TXNDC16: variants seen among roughly 807,000 people sequenced by gnomAD.
The protein encoded by TXNDC16 is thioredoxin domain-containing protein 16.
A neutral mutation model predicts 85.6 loss-of-function variants in TXNDC16; 74 were observed. The observed-to-expected ratio is 0.86, with a 90% CI of 0.72 to 1.05. TXNDC16 has a LOEUF of 1.05. Ranked by LOEUF, TXNDC16 falls within the 50% of genes least tolerant of loss-of-function variation. The pLI is 0.00. For missense variants in TXNDC16, 959 were observed against 947.0 expected, an observed-to-expected ratio of 1.01 and a Z score of -0.17; for synonymous variants, 335 against 326.5, an observed-to-expected ratio of 1.03 and a Z score of -0.28.
intron 20 of TXNDC16, among the ~76,000 whole-genome samples, chr14:52,438,730 G>A (rs2035092632): frequency 6.6e-6 from 1 of 151,994 alleles, no homozygotes. Context: ...TAACAATAAT[G>A]CACTATTTGT....
Position 52,536,804 on chromosome 14 carries a change from T to C in TXNDC16, c.318-11A>G, listed in dbSNP as rs1160086593. ...AGCAATATGTTGCCCCTATAAAAAG[T>C]TTAAAAACATATTAATATTGAAAAA... On this transcript the variant is annotated splice_polypyrimidine_tract_variant and intron_variant, in intron 5 of 20. Transcript: ENST00000281741. The C allele has an allele frequency of 6.3e-6, 10 of 1,590,278 alleles. No homozygotes were observed. Among genetic ancestry groups the C allele is most frequent in the South Asian group, 1.1e-5 (1 of 87,688 alleles).
At chr14:52,479,376 G>C (rs2036093969) in intron 14 of TXNDC16, among the ~76,000 whole-genome samples, 1 of 152,000 alleles carries the variant, frequency 6.6e-6, no homozygotes, top group Non-Finnish European at 1.5e-5. Context: ...TCAAACTGTT[G>C]CTGTTTGCTG....
chr14:52,534,393 T>C (rs914583601), intron 6 of TXNDC16, among the ~76,000 whole-genome samples: 4 of 152,198 alleles, frequency 2.6e-5, no homozygotes, highest in Non-Finnish European at 5.9e-5. Context: ...TCTTAAAACA[T>C]TATGAGATGT....
rs1048693087 is a variant in TXNDC16, at chr14:52,522,346, G to A, written c.393-3053C>T. On this transcript the variant is annotated intron_variant, in intron 6 of 20. Transcript: ENST00000281741. ...AATAGTGGCAATTTATCAATTTGGG[G>A]GCTGCCCACTCCCTTTTGCTTTGTC... Among the ~76,000 whole-genome samples the A allele has an allele frequency of 5.9e-5, 9 of 152,042 alleles. No homozygotes were observed. The East Asian group carries it at 1.7e-3, about 29-fold the overall frequency.
At chr14:52,522,159 A>G (rs1225918783) in intron 6 of TXNDC16, among the ~76,000 whole-genome samples, 2 of 152,234 alleles carry the variant, frequency 1.3e-5, no homozygotes, top group African/African-American at 4.8e-5. Context: ...TGGAAATTAC[A>G]TTCACCTAGT....
At chr14:52,459,200 T>C (rs1216491560) in intron 16 of TXNDC16, among the ~76,000 whole-genome samples, 2 of 152,180 alleles carry the variant, frequency 1.3e-5, no homozygotes. Context: ...ATTATTTTTA[T>C]AGACACACAC....
chr14:52,511,300 T>C lies in TXNDC16; in HGVS notation c.696A>G (p.Glu232=). 6.2e-7 allele frequency: 1 copy of C among 1,608,710 alleles called. No individual in the cohort carries two copies. The highest frequency in any genetic ancestry group is 1.1e-5 in the South Asian group (1 of 90,336). Residue 232 remains glutamate (E), a synonymous_variant, in exon 9 of 21, where the codon GAA becomes GAG. Coordinates refer to ENST00000281741, the MANE Select transcript of TXNDC16 (RefSeq NM_020784.3). ...LTQQCRRTLM[E]QPLTTLNIHL... ...GAATGTTCAGTGTAGTCAATGGCTGTTCCATTAGTGTTCTTCTACATTGCT... is the reference window on the plus strand; with the variant it reads ...GAATGTTCAGTGTAGTCAATGGCTGCTCCATTAGTGTTCTTCTACATTGCT...
chr14:52,457,238 T>C, intron 16 of TXNDC16, 64 bp from the exon 17 acceptor site: 2 of 884,106 alleles, frequency 2.3e-6, no homozygotes, highest in Non-Finnish European at 3.5e-6. Flanking sequence ...ATTCAACTGA[T>C]GAAGAGATTT....
chr14:52,470,883 C>T, intron 14 of TXNDC16, among the ~76,000 whole-genome samples: 1 of 152,064 alleles, frequency 6.6e-6, no homozygotes, highest in East Asian at 1.9e-4. Flanking sequence ...TTTTTGTTCC[C>T]TTTTGCAGGC....
At chr14:52,506,968 G>A (rs1366289034) in intron 9 of TXNDC16, among the ~76,000 whole-genome samples, 1 of 151,862 alleles carries the variant, frequency 6.6e-6, no homozygotes, top group Non-Finnish European at 1.5e-5. Flanking sequence ...TACTGAATGG[G>A]CAAAAACTGG....
chr14:52,432,943 A>C (rs2034940344), intron 20 of TXNDC16, among the ~76,000 whole-genome samples: 1 of 152,236 alleles, frequency 6.6e-6, no homozygotes, highest in Admixed American at 6.5e-5. Context: ...TAAAACGTTA[A>C]ATGAAAAAGT....
intron 14 of TXNDC16, among the ~76,000 whole-genome samples, chr14:52,478,794 A>AC (rs1407879922): frequency 2.6e-5 from 4 of 152,104 alleles, no homozygotes; most frequent in African/African-American, 9.7e-5. Flanking sequence ...GAAAAAGGGA[A>AC]CCCTCGCTAA....
rs752207905 is a variant in TXNDC16 at position 52,482,267 on chromosome 14, A to C, written c.1275T>G (p.Phe425Leu). 1 of 1,612,154 alleles carries C rather than the reference A, an allele frequency of 6.2e-7. No individual in the cohort carries two copies. The highest frequency in any genetic ancestry group is 1.1e-5 in the South Asian group (1 of 90,956). ...CTGCCACATCAATATAGGATTGCAA[A>C]AATGCCATGGATACTGCTTGCCCTA... is the stretch of plus-strand genomic sequence containing the variant. ...YAGWQAVSMA[F>L]LQSYIDVAVK... Residue 425 changes from phenylalanine (F) to leucine (L), a missense_variant, in exon 14 of 21, where the codon TTT (phenylalanine) becomes TTG (leucine). By Grantham distance (22) the Phe-to-Leu change is conservative. Transcript: ENST00000281741.
At chr14:52,506,527 CT>C (rs765293725) in intron 9 of TXNDC16, among the ~76,000 whole-genome samples, 3,129 of 97,254 alleles carry the variant, frequency 0.032, 17 homozygotes, top group African/African-American at 0.078. Flanking sequence ...TTCAACAACC[CT>C]TTTTTTTTTT....
intron 6 of TXNDC16, among the ~76,000 whole-genome samples, chr14:52,522,124 T>G (rs2037224282): frequency 6.6e-6 from 1 of 152,222 alleles, no homozygotes; most frequent in East Asian, 1.9e-4. Context: ...TTAACTTAAT[T>G]GGACTACCAT....
chr14:52,470,115 T>C lies in TXNDC16; in HGVS notation c.1540A>G (p.Ser514Gly), dbSNP rs1261229985. ...TSIQEAEEYL[S>G]GELYKDLILY... ...ATGAGGTCTTTATATAATTCCCCAC[T>C]TAAATATTCTTCTGCTTCTTGGATC... The change falls in exon 16 of 21, where the codon AGT becomes GGT. Residue 514 changes from serine (S) to glycine (G), a missense_variant. Transcript: ENST00000281741. 6.2e-7 allele frequency: 1 copy of C among 1,611,262 alleles called. No homozygotes were observed. Among genetic ancestry groups the C allele is most frequent in the Non-Finnish European group, 8.5e-7 (1 of 1,178,366 alleles).
chr14:52,538,643 A>G (rs1275119422), intron 4 of TXNDC16, among the ~76,000 whole-genome samples: 2 of 152,160 alleles, frequency 1.3e-5, no homozygotes, highest in Non-Finnish European at 2.9e-5. Flanking sequence ...GAAGAGAGGA[A>G]AGAGAAAAAA....
At chr14:52,472,855 A>T (rs932609103) in intron 14 of TXNDC16, among the ~76,000 whole-genome samples, 1 of 152,128 alleles carries the variant, frequency 6.6e-6, no homozygotes, top group Non-Finnish European at 1.5e-5. Flanking sequence ...TCTAACAAAG[A>T]GCAGCCTGCA....
rs1437017474 is a variant in TXNDC16, at chr14:52,439,199, C to T, written c.2194+5G>A. ...TACATGTATTAAACAAAACAGAAAA[C>T]TTACTGATATGATTTTCTAGTCCTG... On this transcript the variant is annotated splice_donor_5th_base_variant and intron_variant, in intron 20 of 20. Coordinates refer to ENST00000281741, the MANE Select transcript of TXNDC16 (RefSeq NM_020784.3). The T allele has an allele frequency of 1.9e-6, 3 of 1,612,710 alleles. No individual in the cohort carries two copies. The highest frequency in any genetic ancestry group is 2.5e-6 in the Non-Finnish European group (3 of 1,179,248).
Sources: allele counts gnomAD v4.1 joint callset (sites outside exome capture counted in the v4.1 genomes callset), GRCh38; gene constraint gnomAD v4.1.1; transcripts MANE v1.5; gene names NCBI Gene and HGNC (gene_info 2026-07-23, HGNC 2026-07-21).